CCDC32: variants seen among roughly 807,000 people sequenced by gnomAD.
CCDC32 encodes coiled-coil domain containing 32, also known as coiled-coil domain-containing protein 32.
Under a neutral mutation model 20.1 loss-of-function variants are expected in CCDC32, and 9 were observed. The ratio of observed to expected loss-of-function variants is 0.45; its 90% confidence interval spans 0.27 to 0.78. The LOEUF (loss-of-function observed/expected upper bound fraction) is 0.78, where lower values mean the gene tolerates loss of function less well. Among genes scored for constraint, CCDC32 ranks in the 30% least tolerant of loss-of-function variants. CCDC32 has a pLI of 0.16. For synonymous variants in CCDC32, 63 were observed against 79.0 expected, an observed-to-expected ratio of 0.80 and a Z score of 1.07; for missense variants, 204 against 215.5, an observed-to-expected ratio of 0.95 and a Z score of 0.33.
chr15:40,563,007 C>T lies in CCDC32; in HGVS notation c.9G>A (p.Met3Ile), dbSNP rs1566986778. MK[M>I]FESADSTATR... The stretch of plus-strand genomic sequence containing the variant: ...TGGCTGTAGAGTCAGCGCTCTCAAA[C>T]ATTTTCATTTGGAATCTGAGCTATA... The change falls in exon 2 of 4, where the codon ATG becomes ATA. Residue 3 changes from methionine (M) to isoleucine (I), a missense_variant. Met to Ile is a conservative substitution (Grantham distance 10, BLOSUM62 1). Transcript: ENST00000416810. 3.1e-6 allele frequency: 5 copies of T among 1,613,906 alleles called. No homozygotes were observed. The highest frequency in any genetic ancestry group is 4.2e-6 in the Non-Finnish European group (5 of 1,180,012).
chr15:40,547,856 T>G (rs1889685906), intron 3 of CCDC32, among the ~76,000 whole-genome samples: 1 of 152,220 alleles, frequency 6.6e-6, no homozygotes, highest in African/African-American at 2.4e-5. Flanking sequence ...GTTCCCACTT[T>G]TCTCCATGAA....
downstream of CCDC32, among the ~76,000 whole-genome samples, chr15:40,550,313 A>AAATC (rs1889799917): frequency 6.6e-6 from 1 of 152,216 alleles, no homozygotes; most frequent in Non-Finnish European, 1.5e-5. Flanking sequence ...CAGGGGTGAT[A>AAATC]AGTAAGATTC....
chr15:40,534,912 T>C, downstream of CCDC32: 2 of 702,546 alleles, frequency 2.8e-6, no homozygotes, highest in Non-Finnish European at 5.2e-6. Flanking sequence ...AGAATGGTCT[T>C]GGAGTCAGAT....
chr15:40,548,699 T>TTCTTACA (rs1349472801), downstream of CCDC32, among the ~76,000 whole-genome samples: 2 of 152,132 alleles, frequency 1.3e-5, no homozygotes, highest in Non-Finnish European at 2.9e-5. Flanking sequence ...TGTGGCCGAC[T>TTCTTACA]TCTTACATGC....
At chr15:40,527,501 A>G (rs1047902348), downstream of CCDC32, among the ~76,000 whole-genome samples, 25 of 152,276 alleles carry the variant, frequency 1.6e-4, no homozygotes, top group Admixed American at 3.3e-4. Context: ...CATAGGTGCT[A>G]TGGTTTGAAT....
the CCDC32 span, among the ~76,000 whole-genome samples, chr15:40,521,907 AT>A: frequency 6.6e-6 from 1 of 152,154 alleles, no homozygotes; most frequent in African/African-American, 2.4e-5. Context: ...CATTCTGTGA[AT>A]TGTCTTTTCA....
At chr15:40,522,679 T>C in the CCDC32 span, among the ~76,000 whole-genome samples, 1 of 152,192 alleles carries the variant, frequency 6.6e-6, no homozygotes, top group Admixed American at 6.5e-5. Flanking sequence ...TTCTAGTTTA[T>C]TCTCAAACAC....
chr15:40,521,018 A>T, the CCDC32 span, among the ~76,000 whole-genome samples: 2 of 152,262 alleles, frequency 1.3e-5, no homozygotes, highest in Non-Finnish European at 2.9e-5. Flanking sequence ...TATGTTTACT[A>T]TTCATTAAGT....
chr15:40,557,364 G>A lies in CCDC32; in HGVS notation c.253C>T (p.Leu85=), dbSNP rs1030135371. Residue 85 remains leucine (L), a synonymous_variant, in exon 3 of 4, where the codon CTA becomes TTA. Transcript: ENST00000416810. The stretch of plus-strand genomic sequence containing the variant: ...TGATTTAAACCTTTGATTCTTCTTA[G>A]CTTCTTCTCTAGAGAGAGAAGTAGA... ...EVYLASLEKK[L]RRIKGLNQEV... is the part of the protein sequence containing the mutation. 1 of 1,610,794 alleles carries A rather than the reference G, an allele frequency of 6.2e-7. No individual in the cohort carries two copies. Among genetic ancestry groups the A allele is most frequent in the Admixed American group, 1.7e-5 (1 of 59,070 alleles).
chr15:40,522,890 C>T, the CCDC32 span, among the ~76,000 whole-genome samples: 1 of 148,974 alleles, frequency 6.7e-6, no homozygotes, highest in Non-Finnish European at 1.5e-5. Context: ...GGCAGTGGCG[C>T]AGTCTCACTC....
chr15:40,563,114 AC>A, intron 1 of CCDC32, 87 bp from the exon 2 acceptor site: 1 of 1,463,332 alleles, frequency 6.8e-7, no homozygotes, highest in Non-Finnish European at 9.2e-7. Context: ...TGTAATCCCA[AC>A]ACTTTGGGAA....
chr15:40,532,806 C>T (rs1299324347), downstream of CCDC32, among the ~76,000 whole-genome samples: 3 of 146,448 alleles, frequency 2.0e-5, no homozygotes, highest in Non-Finnish European at 3.0e-5. Context: ...ACTGCAGCCT[C>T]GACTTCCCGG....
chr15:40,524,739 CTTTTTTT>C (rs758786719), downstream of CCDC32, among the ~76,000 whole-genome samples: 10 of 95,200 alleles, frequency 1.1e-4, no homozygotes, highest in African/African-American at 4.0e-4. Flanking sequence ...CTTTTTCTTT[CTTTTTTT>C]TTTTTTTTTT....
downstream of CCDC32, among the ~76,000 whole-genome samples, chr15:40,531,138 G>T (rs887806471): frequency 2.1e-4 from 32 of 151,466 alleles, 1 homozygote. Context: ...TGAACACAGA[G>T]TGTGGAATAG....
the CCDC32 span, among the ~76,000 whole-genome samples, chr15:40,521,594 G>A: frequency 6.6e-5 from 10 of 152,238 alleles, no homozygotes; most frequent in African/African-American, 2.2e-4. Flanking sequence ...ACCACTGTAC[G>A]TTCCCACTAA....
At chr15:40,563,588 G>T (rs553282842) in intron 1 of CCDC32, among the ~76,000 whole-genome samples, 5 of 151,862 alleles carry the variant, frequency 3.3e-5, no homozygotes, top group Non-Finnish European at 7.4e-5. Flanking sequence ...GGAGGTGGAT[G>T]GTAGTTATGG....
chr15:40,535,235 C>A, downstream of CCDC32: 1 of 1,406,918 alleles, frequency 7.1e-7, no homozygotes, highest in South Asian at 1.5e-5. Context: ...GAGACTTCTG[C>A]AGTAGTCTAC....
chr15:40,564,808 A>C (rs1890911179), intron 1 of CCDC32, 168 bp downstream of exon 1: 2 of 1,613,982 alleles, frequency 1.2e-6, no homozygotes, highest in Non-Finnish European at 1.7e-6. Context: ...CAGGGCGTCC[A>C]GAACCACGCA....
chr15:40,556,318 C>A (rs922573650), intron 3 of CCDC32, among the ~76,000 whole-genome samples: 2 of 152,214 alleles, frequency 1.3e-5, no homozygotes, highest in African/African-American at 4.8e-5. Context: ...GTCACTTCTA[C>A]TCAACTGGCC....
Sources: allele counts gnomAD v4.1 joint callset (sites outside exome capture counted in the v4.1 genomes callset), GRCh38; gene constraint gnomAD v4.1.1; transcripts MANE v1.5; gene names NCBI Gene and HGNC (gene_info 2026-07-23, HGNC 2026-07-21).